Variants in SDK1 observed in about 807,000 individuals in gnomAD.
The protein encoded by SDK1 is protein sidekick-1.
Under a neutral mutation model 245.5 loss-of-function variants are expected in SDK1, and 157 were observed. The ratio of observed to expected loss-of-function variants is 0.64; its 90% CI spans 0.56 to 0.73. SDK1 has a LOEUF of 0.73. Ranked by LOEUF, SDK1 falls within the 30% of genes least tolerant of loss-of-function variation. The pLI is 0.00. For synonymous variants in SDK1, 1,647 were observed against 1,278.5 expected, an observed-to-expected ratio of 1.29 and a Z score of -6.15; for missense variants, 3,583 against 3,002.3, an observed-to-expected ratio of 1.19 and a Z score of -4.52.
intron 38 of SDK1, among the ~76,000 whole-genome samples, chr7:4,214,617 C>T (rs1753920143): frequency 6.6e-6 from 1 of 152,160 alleles, no homozygotes; most frequent in African/African-American, 2.4e-5. Context: ...TCAGGCCTCC[C>T]CGGGTGTCAG....
chr7:3,709,084 T>A lies in SDK1; in HGVS notation c.713+66979T>A, dbSNP rs57278255. On this transcript the variant is annotated intron_variant, in intron 4 of 44. Coordinates refer to ENST00000404826, the MANE Select transcript of SDK1 (RefSeq NM_152744.4). ...TTCTATTATGGTGCATAACAACCTT[T>A]TGTTTCAGAATTCAGAACTCCTTTT... Among the ~76,000 whole-genome samples, 8 of 152,234 alleles carry A rather than the reference T, an allele frequency of 5.3e-5. 1 individual carries two copies. The highest frequency in any genetic ancestry group is 1.9e-4 in the African/African-American group (8 of 41,448).
At chr7:3,501,116 C>T (rs2128608137) in intron 1 of SDK1, among the ~76,000 whole-genome samples, 1 of 152,254 alleles carries the variant, frequency 6.6e-6, no homozygotes, top group East Asian at 1.9e-4. Context: ...CAGACTAAAA[C>T]ATTGAAAGTC....
chr7:4,026,041 G>A lies in SDK1; in HGVS notation c.2602+8689G>A, dbSNP rs1164480608. Reference sequence around the variant, plus strand: ...AGGCGCATGGGGAAATTAGGTCCACGAACGCGTCCCCAGCGTTGGGGAGGT... The same window carrying A: ...AGGCGCATGGGGAAATTAGGTCCACAAACGCGTCCCCAGCGTTGGGGAGGT... On this transcript the variant is annotated intron_variant, in intron 17 of 44. Transcript: ENST00000404826. The surrounding 1 kb of genome is among the most constrained non-coding windows in gnomAD (Gnocchi z 4.1). Among the ~76,000 whole-genome samples, 1 of 152,204 alleles carries A rather than the reference G, an allele frequency of 6.6e-6. No homozygotes were observed. The highest frequency in any genetic ancestry group is 2.4e-5 in the African/African-American group (1 of 41,456).
At chr7:3,889,389 G>A (rs1442654928) in intron 5 of SDK1, among the ~76,000 whole-genome samples, 2 of 152,226 alleles carry the variant, frequency 1.3e-5, no homozygotes, top group African/African-American at 2.4e-5. Context: ...AGTGCAGGTG[G>A]CAGAAAGACA....
chr7:4,176,358 G>A (rs1490147864), intron 34 of SDK1, among the ~76,000 whole-genome samples: 2 of 151,886 alleles, frequency 1.3e-5, no homozygotes, highest in Non-Finnish European at 2.9e-5. Flanking sequence ...TTTAAGAGAC[G>A]GGTTCTTGCT....
chr7:4,099,067 A>T (rs1361707060), intron 22 of SDK1, among the ~76,000 whole-genome samples: 3 of 151,940 alleles, frequency 2.0e-5, no homozygotes, highest in Non-Finnish European at 4.4e-5. Context: ...ATGAGTGAGC[A>T]GGGTCAGCCA....
intron 1 of SDK1, among the ~76,000 whole-genome samples, chr7:3,324,490 G>A: frequency 6.6e-6 from 1 of 152,108 alleles, no homozygotes; most frequent in Non-Finnish European, 1.5e-5. Context: ...TTGGAGGATA[G>A]GATAAGAATA....
chr7:4,027,088 A>T (rs1787414503), intron 17 of SDK1, among the ~76,000 whole-genome samples: 1 of 152,162 alleles, frequency 6.6e-6, no homozygotes, highest in African/African-American at 2.4e-5. Flanking sequence ...GTGGGGTAGA[A>T]GCAGCTCCCC....
chr7:3,496,656 A>T (rs752165743), intron 1 of SDK1, among the ~76,000 whole-genome samples: 35 of 152,228 alleles, frequency 2.3e-4, no homozygotes, highest in Non-Finnish European at 4.1e-4. Context: ...AACAGAGTTC[A>T]TAGTGATTTT....
chr7:3,389,688 C>T (rs1233501970), intron 1 of SDK1, among the ~76,000 whole-genome samples: 1 of 152,096 alleles, frequency 6.6e-6, no homozygotes, highest in Non-Finnish European at 1.5e-5. Context: ...TTGCTTGAGC[C>T]TGGGAGGTAG....
chr7:4,233,310 C>T lies in SDK1; in HGVS notation c.5883C>T (p.Tyr1961=), dbSNP rs1473866810. 1 of 1,613,992 alleles carries T rather than the reference C, an allele frequency of 6.2e-7. No individual in the cohort carries two copies. The highest frequency in any genetic ancestry group is 1.7e-5 in the Admixed American group (1 of 60,028). Reference sequence around the variant, plus strand: ...ACATCCCGCGGAGCGCCACATCCTACACCCTCAGCCTGGATAAGCTCCGGC... The same window carrying T: ...ACATCCCGCGGAGCGCCACATCCTATACCCTCAGCCTGGATAAGCTCCGGC... The part of the protein sequence containing the change: ...VKDIPRSATS[Y]TLSLDKLRQG... The change falls in exon 41 of 45, where the codon TAC becomes TAT. Residue 1961 remains tyrosine (Y), a synonymous_variant. Coordinates refer to ENST00000404826, the MANE Select transcript of SDK1 (RefSeq NM_152744.4).
chr7:3,859,909 A>C (rs190928098), intron 5 of SDK1, among the ~76,000 whole-genome samples: 2 of 151,932 alleles, frequency 1.3e-5, no homozygotes, highest in Admixed American at 1.3e-4. Context: ...AAAGCAACAA[A>C]AGAACTGATA....
intron 1 of SDK1, among the ~76,000 whole-genome samples, chr7:3,604,314 T>C (rs1781347638): frequency 6.6e-6 from 1 of 152,002 alleles, no homozygotes; most frequent in Admixed American, 6.6e-5. Flanking sequence ...ATCTGGTCCT[T>C]GTATTACTTT....
chr7:3,908,428 G>A (rs965067899), intron 5 of SDK1, among the ~76,000 whole-genome samples: 2 of 152,090 alleles, frequency 1.3e-5, no homozygotes, highest in Non-Finnish European at 2.9e-5. Flanking sequence ...CTTCATACAC[G>A]GCTGGCCAGA....
Position 4,079,496 on chromosome 7 carries a change from C to G in SDK1, c.3236C>G (p.Ser1079Cys), listed in dbSNP as rs1268078144. Residue 1079 changes from serine to cysteine, a missense_variant, in exon 22 of 45, where the codon TCC becomes TGC. Ser to Cys is a moderately radical substitution (Grantham distance 112, BLOSUM62 -1). Transcript: ENST00000404826. ...LPGAPSNLVI[S>C]NISPRSATLQ... is the part of the protein sequence containing the mutation. ...GGTGCCCCATCCAACCTGGTCATTT[C>G]CAACATCAGCCCTCGCTCCGCCACC... The G allele has an allele frequency of 6.2e-7, 1 of 1,614,264 alleles. No individual in the cohort carries two copies. The highest frequency in any genetic ancestry group is 1.1e-5 in the South Asian group (1 of 91,088).
intron 22 of SDK1, among the ~76,000 whole-genome samples, chr7:4,085,002 G>A (rs1562787319): frequency 6.6e-6 from 1 of 152,148 alleles, no homozygotes; most frequent in African/African-American, 2.4e-5. Context: ...TACCTCAAGT[G>A]ATCCACCTGC....
chr7:3,914,929 A>G (rs981263486), intron 5 of SDK1, among the ~76,000 whole-genome samples: 4 of 152,220 alleles, frequency 2.6e-5, no homozygotes, highest in African/African-American at 7.2e-5. Context: ...GTGACGGGCA[A>G]GACTGAACTC....
intron 5 of SDK1, among the ~76,000 whole-genome samples, chr7:3,897,643 T>G (rs1781647409): frequency 6.6e-6 from 1 of 152,200 alleles, no homozygotes; most frequent in Non-Finnish European, 1.5e-5. Flanking sequence ...TTATGAACAG[T>G]GCTCCCATTT....
intron 1 of SDK1, among the ~76,000 whole-genome samples, chr7:3,405,814 C>CTTTTTTTTT (rs534692477): frequency 2.4e-5 from 3 of 125,364 alleles, no homozygotes; most frequent in African/African-American, 3.1e-5. Flanking sequence ...TTCTTTCTTT[C>CTTTTTTTTT]TTTTTTTTTT....
Sources: gnomAD v4.1 joint callset for allele counts (sites outside exome capture counted in the v4.1 genomes callset) on GRCh38, gnomAD v4.1.1 for gene constraint, Gnocchi (gnomAD v3.1) non-coding constraint, MANE v1.5 for transcripts, NCBI Gene and HGNC (gene_info 2026-07-23, HGNC 2026-07-21) for gene names.